Variants in CALN1 observed in about 807,000 individuals in gnomAD.
CALN1 encodes calcium-binding protein 8.
CALN1 carries 17 observed loss-of-function variants against 30.6 expected under a neutral mutation model. The observed-to-expected ratio is 0.56, with a 90% CI of 0.38 to 0.83. The LOEUF is 0.83. Ranked by LOEUF, CALN1 falls within the 40% of genes least tolerant of loss-of-function variation. The probability of loss-of-function intolerance (pLI) is 0.00; values close to 1 mark genes in which losing one functional copy is unlikely to be tolerated. For missense variants in CALN1, 291 were observed against 354.9 expected (o/e 0.82, Z 1.45); for synonymous variants, 156 against 131.4 (o/e 1.19, Z -1.28).
At chr7:72,247,292 AG>A (rs1323658285) in intron 3 of CALN1, among the ~76,000 whole-genome samples, 1 of 114,724 alleles carries the variant, frequency 8.7e-6, no homozygotes, top group Non-Finnish European at 1.6e-5. Context: ...TCTGTCACCC[AG>A]GCTGGAGTGC....
chr7:72,172,981 G>T (rs1001573737), intron 3 of CALN1, among the ~76,000 whole-genome samples: 2 of 151,762 alleles, frequency 1.3e-5, no homozygotes, highest in Non-Finnish European at 2.9e-5. Context: ...AAAAAAAAGA[G>T]ATAAATATCT....
intron 5 of CALN1, among the ~76,000 whole-genome samples, chr7:71,827,706 A>G (rs1439394855): frequency 6.6e-6 from 1 of 152,024 alleles, no homozygotes; most frequent in Non-Finnish European, 1.5e-5. Context: ...TGGGAGGCAG[A>G]GGTTGCAGTG....
upstream of CALN1, among the ~76,000 whole-genome samples, chr7:72,413,372 C>A (rs1562959873): frequency 6.6e-6 from 1 of 151,934 alleles, no homozygotes; most frequent in Non-Finnish European, 1.5e-5. Flanking sequence ...TCCACACACA[C>A]CCACGAACAT....
chr7:72,342,877 A>C (rs1049015018), intron 2 of CALN1, among the ~76,000 whole-genome samples: 4 of 152,220 alleles, frequency 2.6e-5, no homozygotes, highest in African/African-American at 9.6e-5. Flanking sequence ...CATTCAAAAA[A>C]TACATGTTGG....
intron 5 of CALN1, among the ~76,000 whole-genome samples, chr7:71,949,214 G>C (rs1005304523): frequency 6.6e-6 from 1 of 152,108 alleles, no homozygotes; most frequent in African/African-American, 2.4e-5. Context: ...TTTGGAGACA[G>C]GGAACATAAG....
chr7:72,132,429 A>AT (rs1809216063), intron 3 of CALN1, among the ~76,000 whole-genome samples: 1 of 152,218 alleles, frequency 6.6e-6, no homozygotes, highest in Non-Finnish European at 1.5e-5. Context: ...CTCTCACACC[A>AT]TCATGAAGTC....
At chr7:71,819,906 C>T (rs36124099) in intron 5 of CALN1, among the ~76,000 whole-genome samples, 21 of 151,944 alleles carry the variant, frequency 1.4e-4, no homozygotes, top group Non-Finnish European at 2.6e-4. Context: ...CGGAATGGAC[C>T]CCACTTCTCA....
At chr7:72,134,560 A>G (rs1029574359) in intron 3 of CALN1, among the ~76,000 whole-genome samples, 4 of 152,230 alleles carry the variant, frequency 2.6e-5, no homozygotes, top group African/African-American at 9.6e-5. Flanking sequence ...GTGCAGTAGC[A>G]TTATATCTTT....
intron 5 of CALN1, among the ~76,000 whole-genome samples, chr7:71,963,602 G>GC (rs1425540975): frequency 5.3e-5 from 8 of 152,200 alleles, no homozygotes; most frequent in African/African-American, 7.2e-5. Context: ...ACCGTGCCCA[G>GC]CCTAGGAAAC....
In CALN1 at chr7:72,016,998, C is replaced by CAAAAAAAAAAAAAAAAAAAAAAAAAAA. The variant is rs754201004; in HGVS notation, c.501+6658_501+6659insTTTTTTTTTTTTTTTTTTTTTTTTTTT. Reference sequence around the variant, plus strand: ...CAAAACCCCGTGTTTACTAAAAATACAAAAAAAAAAAAAAAAAAAGCTGGG... The same window carrying CAAAAAAAAAAAAAAAAAAAAAAAAAAA: ...CAAAACCCCGTGTTTACTAAAAATACAAAAAAAAAAAAAAAAAAAAAAAAAAAAAAAAAAAAAAAAAAAAAAGCTGGG... On this transcript the variant is annotated intron_variant, in intron 5 of 6. Coordinates refer to ENST00000395275, the MANE Select transcript of CALN1 (RefSeq NM_031468.4). Among the ~76,000 whole-genome samples the CAAAAAAAAAAAAAAAAAAAAAAAAAAA allele has an allele frequency of 1.1e-3, 34 of 31,952 alleles. 5 individuals are homozygous for CAAAAAAAAAAAAAAAAAAAAAAAAAAA. Among genetic ancestry groups the CAAAAAAAAAAAAAAAAAAAAAAAAAAA allele is most frequent in the African/African-American group, 3.3e-3 (22 of 6,612 alleles). 21.0% of individuals were successfully genotyped at this position (31,952 alleles called of 152,430 possible). A position where few individuals can be genotyped will look rare whatever the true frequency, so the allele number is the denominator to read the frequency against.
intron 3 of CALN1, among the ~76,000 whole-genome samples, chr7:72,172,789 C>G: frequency 6.6e-6 from 1 of 152,122 alleles, no homozygotes. Flanking sequence ...TGGGTAATTT[C>G]CTCAGTCTGA....
At chr7:71,966,155 T>A (rs1244068041) in intron 5 of CALN1, among the ~76,000 whole-genome samples, 1 of 152,230 alleles carries the variant, frequency 6.6e-6, no homozygotes, top group East Asian at 1.9e-4. Flanking sequence ...GTAGTTTCTA[T>A]CCCAACAATT....
intron 3 of CALN1, among the ~76,000 whole-genome samples, chr7:72,142,548 G>T (rs1810029371): frequency 6.6e-6 from 1 of 152,208 alleles, no homozygotes; most frequent in Non-Finnish European, 1.5e-5. Flanking sequence ...CACCTCTGGG[G>T]GCAGGGCATA....
In CALN1 at chr7:72,256,972, T is replaced by G. The variant is rs537650482; in HGVS notation, c.244+21714A>C. 1.2e-4 allele frequency among the ~76,000 whole-genome samples: 18 copies of G among 152,296 alleles called. No homozygotes were observed. In the South Asian group the frequency reaches 2.7e-3, roughly 23 times the overall value. ...TGATTATATTCCCCACTGTATTAGT[T>G]CATTTTCACACTGCTATAAAGACAC... On this transcript the variant is annotated intron_variant, in intron 3 of 6. Coordinates refer to ENST00000395275, the MANE Select transcript of CALN1 (RefSeq NM_031468.4).
intron 5 of CALN1, among the ~76,000 whole-genome samples, chr7:71,964,766 C>A (rs1448060547): frequency 1.3e-5 from 2 of 152,026 alleles, no homozygotes. Flanking sequence ...AAATGCATGC[C>A]TGTTTCCCTC....
intron 5 of CALN1, among the ~76,000 whole-genome samples, chr7:71,991,277 G>C (rs1798937423): frequency 6.6e-6 from 1 of 152,268 alleles, no homozygotes; most frequent in Non-Finnish European, 1.5e-5. Context: ...TGGCCAACGT[G>C]GTGAAACCCC....
chr7:71,961,410 TCTAG>T (rs1313527833), intron 5 of CALN1, among the ~76,000 whole-genome samples: 1 of 152,208 alleles, frequency 6.6e-6, no homozygotes, highest in Non-Finnish European at 1.5e-5. Flanking sequence ...GCACATGAGA[TCTAG>T]CTGATGAAAA....
the CALN1 span, among the ~76,000 whole-genome samples, chr7:72,471,594 A>G: frequency 6.6e-6 from 1 of 152,224 alleles, no homozygotes; most frequent in Admixed American, 6.5e-5. Context: ...AAATGTATGC[A>G]GGTCCACGGG....
intron 5 of CALN1, among the ~76,000 whole-genome samples, chr7:72,017,601 AT>A (rs1376743396): frequency 6.6e-6 from 1 of 152,202 alleles, no homozygotes; most frequent in Non-Finnish European, 1.5e-5. Flanking sequence ...AGTCCTGAGC[AT>A]GCAAAAAGAC....
Sources: allele counts gnomAD v4.1 joint callset (sites outside exome capture counted in the v4.1 genomes callset), GRCh38; gene constraint gnomAD v4.1.1; transcripts MANE v1.5; gene names NCBI Gene and HGNC (gene_info 2026-07-23, HGNC 2026-07-21).